SMYD3: variants seen among roughly 807,000 people sequenced by gnomAD.
The protein encoded by SMYD3 is histone-lysine N-methyltransferase SMYD3.
A neutral mutation model predicts 57.7 loss-of-function variants in SMYD3; 36 were observed. The ratio of observed to expected loss-of-function variants is 0.62; its 90% CI spans 0.48 to 0.82. The LOEUF (loss-of-function observed/expected upper bound fraction) is 0.82, where lower values mean the gene tolerates loss of function less well. SMYD3 is among the 40% of genes least tolerant of loss of function. SMYD3 has a pLI of 0.00. For synonymous variants in SMYD3, 211 were observed against 195.0 expected, an observed-to-expected ratio of 1.08 and a Z score of -0.68; for missense variants, 515 against 538.8, an observed-to-expected ratio of 0.96 and a Z score of 0.44.
At chr1:246,090,630 G>T (rs1437800673) in intron 5 of SMYD3, among the ~76,000 whole-genome samples, 1 of 150,800 alleles carries the variant, frequency 6.6e-6, no homozygotes, top group Non-Finnish European at 1.5e-5. Context: ...TGGTTCTCCT[G>T]CCTCAGCCTC....
At chr1:245,812,755 G>A (rs1212219914) in intron 10 of SMYD3, among the ~76,000 whole-genome samples, 1 of 148,884 alleles carries the variant, frequency 6.7e-6, no homozygotes, top group African/African-American at 2.5e-5. Flanking sequence ...AACTCACTCA[G>A]TAGCAGGAAC....
At chr1:246,129,528 C>T (rs931730354) in intron 5 of SMYD3, among the ~76,000 whole-genome samples, 4 of 152,156 alleles carry the variant, frequency 2.6e-5, no homozygotes, top group Admixed American at 6.5e-5. Flanking sequence ...CGACATTCAG[C>T]GCCATTTCCT....
chr1:246,143,141 A>ACACC (rs1409885845), intron 5 of SMYD3, among the ~76,000 whole-genome samples: 15 of 132,930 alleles, frequency 1.1e-4, no homozygotes, highest in African/African-American at 4.2e-4. Context: ...ACACACACAC[A>ACACC]CACACACACA....
chr1:245,808,181 A>C (rs2048285016), intron 10 of SMYD3, among the ~76,000 whole-genome samples: 1 of 152,226 alleles, frequency 6.6e-6, no homozygotes, highest in African/African-American at 2.4e-5. Flanking sequence ...GTTCTGGTAC[A>C]TTAAGCAGAT....
chr1:246,385,869 T>C (rs1231214635), intron 1 of SMYD3, among the ~76,000 whole-genome samples: 2 of 152,166 alleles, frequency 1.3e-5, no homozygotes, highest in Non-Finnish European at 2.9e-5. Context: ...CCACGGACCA[T>C]ACTTTGAGTA....
intron 10 of SMYD3, among the ~76,000 whole-genome samples, chr1:245,836,584 G>T (rs1487474730): frequency 3.3e-5 from 5 of 152,200 alleles, no homozygotes; most frequent in African/African-American, 4.8e-5. Flanking sequence ...CGTATTTCTA[G>T]TCAGTGGACC....
intron 1 of SMYD3, among the ~76,000 whole-genome samples, chr1:246,382,895 A>G (rs1482120870): frequency 6.6e-6 from 1 of 152,110 alleles, no homozygotes; most frequent in Non-Finnish European, 1.5e-5. Flanking sequence ...CTCCAGGGCC[A>G]GGCTGGCCAG....
At chr1:246,491,364 T>TAAAAAAAAAATTTTAGTA (rs1249619636) in intron 1 of SMYD3, among the ~76,000 whole-genome samples, 1 of 151,820 alleles carries the variant, frequency 6.6e-6, no homozygotes, top group Non-Finnish European at 1.5e-5. Context: ...ATGGCAAAAC[T>TAAAAAAAAAATTTTAGTA]CCGTCTGTAC....
intron 5 of SMYD3, among the ~76,000 whole-genome samples, chr1:246,319,944 A>G (rs1457307800): frequency 6.6e-6 from 1 of 152,224 alleles, no homozygotes; most frequent in Non-Finnish European, 1.5e-5. Flanking sequence ...GGGAGGTTAT[A>G]GCAGAATATC....
chr1:246,290,078 TCAAATATATGATGACAGGA>T (rs1187567275), intron 5 of SMYD3, among the ~76,000 whole-genome samples: 5 of 151,116 alleles, frequency 3.3e-5, no homozygotes, highest in African/African-American at 4.8e-5. Flanking sequence ...CAAATGATGT[TCAAATATATGATGACAGGA>T]GAAACAGCAA....
chr1:245,928,070 G>A (rs1195875957), intron 6 of SMYD3, 37 bp from the exon 7 acceptor site: 1 of 1,549,740 alleles, frequency 6.5e-7, no homozygotes, highest in Non-Finnish European at 8.9e-7. Flanking sequence ...TCACAGCTCA[G>A]CAGGTAGAGT....
At chr1:246,121,009 G>A (rs6687231) in intron 5 of SMYD3, among the ~76,000 whole-genome samples, 30,317 of 152,040 alleles carry the variant, frequency 0.2, 3,699 homozygotes, top group African/African-American at 0.33. Flanking sequence ...GCTACAGTGG[G>A]GATACAAAAA....
chr1:246,159,235 T>A (rs1405777104), intron 5 of SMYD3, among the ~76,000 whole-genome samples: 1 of 152,128 alleles, frequency 6.6e-6, no homozygotes, highest in Non-Finnish European at 1.5e-5. Context: ...ACAGAAAGGG[T>A]CCCTTTTCTC....
chr1:246,231,334 T>C (rs560279053), intron 5 of SMYD3, among the ~76,000 whole-genome samples: 2 of 152,294 alleles, frequency 1.3e-5, no homozygotes, highest in South Asian at 2.1e-4. Context: ...CTGTAGTCAC[T>C]GGGCAGTAGA....
chr1:246,077,328 T>G (rs956878091), intron 5 of SMYD3, among the ~76,000 whole-genome samples: 1 of 152,096 alleles, frequency 6.6e-6, no homozygotes, highest in Non-Finnish European at 1.5e-5. Flanking sequence ...CAAGTAATAG[T>G]ACATCAAGGA....
intron 5 of SMYD3, among the ~76,000 whole-genome samples, chr1:246,263,290 C>T (rs2064044565): frequency 1.3e-5 from 2 of 152,148 alleles, no homozygotes; most frequent in African/African-American, 2.4e-5. Flanking sequence ...ATAATTCTAA[C>T]AGCATCTACT....
At position 246,506,978 on chromosome 1, in the gene SMYD3, G is replaced by GCCCCCCCCACCCCCCCCC; in HGVS notation, c.164+75_164+76insGGGGGGGGGTGGGGGGGG. 8 of 1,174,498 alleles carry GCCCCCCCCACCCCCCCCC rather than the reference G, an allele frequency of 6.8e-6. No individual in the cohort carries two copies. In the East Asian group the frequency reaches 1.1e-4, roughly 15 times the overall value. The allele number at this position is 1,174,498 out of a possible 1,614,324, so 72.8% of individuals were successfully genotyped here. On this transcript the variant is annotated intron_variant, in intron 1 of 11. Coordinates refer to ENST00000490107, the MANE Select transcript of SMYD3 (RefSeq NM_001167740.2). The stretch of plus-strand genomic sequence containing the variant: ...ATCCAGCAGGAGTCCCGCGGCTGCC[G>GCCCCCCCCACCCCCCCCC]GCCGCCCGACGCCCCCCCCTCCCCA...
chr1:246,479,589 C>T (rs1361743678), intron 1 of SMYD3, among the ~76,000 whole-genome samples: 2 of 145,760 alleles, frequency 1.4e-5, no homozygotes, highest in African/African-American at 5.0e-5. Context: ...CTCATTGCAA[C>T]CTCTGCCTCC....
At chr1:245,964,341 C>T (rs1360575054) in intron 5 of SMYD3, among the ~76,000 whole-genome samples, 2 of 152,184 alleles carry the variant, frequency 1.3e-5, no homozygotes, top group Non-Finnish European at 2.9e-5. Context: ...GGGGACAAAA[C>T]ATCCAAACAG....
Sources: gnomAD v4.1 joint callset for allele counts (sites outside exome capture counted in the v4.1 genomes callset) on GRCh38, gnomAD v4.1.1 for gene constraint, MANE v1.5 for transcripts, NCBI Gene and HGNC (gene_info 2026-07-23, HGNC 2026-07-21) for gene names.